SYNE1: variants seen among roughly 807,000 people sequenced by gnomAD.
The protein encoded by SYNE1 is nesprin-1.
A neutral mutation model predicts 1,111.0 loss-of-function variants in SYNE1; 616 were observed. The ratio of observed to expected loss-of-function variants is 0.55; its 90% CI spans 0.52 to 0.59. The LOEUF (loss-of-function observed/expected upper bound fraction) is 0.59. Among genes scored for constraint, SYNE1 ranks in the 20% least tolerant of loss-of-function variants. The pLI is 0.00. For synonymous variants in SYNE1, 3,855 were observed against 3,825.8 expected (o/e 1.01, Z -0.28); for missense variants, 10,006 against 10,417.0 (o/e 0.96, Z 1.72).
rs374755363 is a variant in SYNE1, at chr6:152,143,650, C to T, written c.25092G>A (p.Pro8364=). The stretch of plus-strand genomic sequence containing the variant: ...AGCCTTTGTAGCTGGTGTCTAGCTC[C>T]GGCCCCGTGGGAGTTTTGCTGCGAA... ...NIIRSKTPTG[P]ELDTSYKGYM... The change falls in exon 138 of 146, where the codon CCG becomes CCA. Residue 8364 remains proline (P), a synonymous_variant. Transcript: ENST00000367255. 1.0e-4 allele frequency: 163 copies of T among 1,614,162 alleles called. No homozygotes were observed. The highest frequency in any genetic ancestry group is 1.5e-4 in the Admixed American group (9 of 60,016).
At chr6:152,411,724 C>CCCCCCCCA (rs1043528008) in intron 42 of SYNE1, among the ~76,000 whole-genome samples, 118 of 93,654 alleles carry the variant, frequency 1.3e-3, no homozygotes, top group East Asian at 6.1e-3. Flanking sequence ...CACACACACA[C>CCCCCCCCA]ACACCCCCAC....
chr6:152,390,535 T>C lies in SYNE1; in HGVS notation c.8005-83A>G, dbSNP rs1357115056. 3 of 1,392,608 alleles carry C rather than the reference T, an allele frequency of 2.2e-6. No homozygotes were observed. The African/African-American group carries it at 4.3e-5, about 20-fold the overall frequency. The allele number at this position is 1,392,608 out of a possible 1,614,324, so 86.3% of individuals were successfully genotyped here. On this transcript the variant is annotated intron_variant, in intron 52 of 145. Transcript: ENST00000367255. ...AAAAAATGGTAGTTTTCCATAAGAA[T>C]TGAAGTAGGAATACTTTACTTACCT...
chr6:152,483,882 A>C (rs1372328196), intron 13 of SYNE1, among the ~76,000 whole-genome samples: 2 of 143,188 alleles, frequency 1.4e-5, no homozygotes, highest in Non-Finnish European at 3.0e-5. Flanking sequence ...TCTTTAATGG[A>C]GTCACTAGAA....
chr6:152,635,220 A>G (rs1242837516), intron 2 of SYNE1, among the ~76,000 whole-genome samples: 1 of 152,224 alleles, frequency 6.6e-6, no homozygotes, highest in Non-Finnish European at 1.5e-5. Context: ...ACAGAAGAAA[A>G]CCAGTTTGTG....
intron 11 of SYNE1, among the ~76,000 whole-genome samples, chr6:152,494,510 G>A (rs969483073): frequency 5.3e-5 from 8 of 152,112 alleles, no homozygotes; most frequent in Non-Finnish European, 1.2e-4. Flanking sequence ...GGCAGGCTAT[G>A]CTATAGTATC....
intron 3 of SYNE1, among the ~76,000 whole-genome samples, chr6:152,588,629 G>A (rs1305366785): frequency 6.6e-6 from 1 of 152,194 alleles, no homozygotes; most frequent in Non-Finnish European, 1.5e-5. Flanking sequence ...GAGGAGGGAT[G>A]TGTGGGATGT....
At chr6:152,444,288 C>A in intron 30 of SYNE1, 123 bp downstream of exon 30, 1 of 1,092,242 alleles carries the variant, frequency 9.2e-7, no homozygotes, top group Non-Finnish European at 1.4e-6. Context: ...AGCCATTCAA[C>A]TCTTCCTTCC....
intron 133 of SYNE1, among the ~76,000 whole-genome samples, chr6:152,154,089 T>A (rs2060916827): frequency 6.6e-6 from 1 of 152,154 alleles, no homozygotes. Flanking sequence ...TTAACATACC[T>A]GAGTACACAA....
At chr6:152,477,813 T>C (rs1593506093) in intron 14 of SYNE1, among the ~76,000 whole-genome samples, 1 of 152,162 alleles carries the variant, frequency 6.6e-6, no homozygotes, top group East Asian at 1.9e-4. Flanking sequence ...GGAAGGAAAC[T>C]ACAAGTGGCA....
intron 3 of SYNE1, among the ~76,000 whole-genome samples, chr6:152,555,163 AATT>A (rs1331610315): frequency 6.6e-6 from 1 of 152,220 alleles, no homozygotes; most frequent in African/African-American, 2.4e-5. Flanking sequence ...TTTTTGTTAC[AATT>A]ATTATATCTT....
At chr6:152,570,747 A>C (rs992108390) in intron 3 of SYNE1, among the ~76,000 whole-genome samples, 1 of 152,170 alleles carries the variant, frequency 6.6e-6, no homozygotes, top group African/African-American at 2.4e-5. Context: ...TCTACAAATT[A>C]ATAAAGGGAG....
intron 41 of SYNE1, among the ~76,000 whole-genome samples, chr6:152,416,050 C>A (rs1689008038): frequency 6.6e-6 from 1 of 152,124 alleles, no homozygotes; most frequent in Admixed American, 6.5e-5. Context: ...TAAGGTTAAT[C>A]CATGTGTTGC....
intron 39 of SYNE1, among the ~76,000 whole-genome samples, chr6:152,421,671 TTTTATTTATTTATTTATTTATTTATTTA>T (rs377235444): frequency 1.4e-5 from 2 of 145,336 alleles, no homozygotes; most frequent in Non-Finnish European, 3.0e-5. Context: ...ATTTTCCTTA[TTTTATTTATTTATTTATTTATTTATTTA>T]TTTATTTATT....
At position 152,637,247 on chromosome 6, in the gene SYNE1, C is replaced by T. The variant is rs368143946; in HGVS notation, c.-450G>A. 5.2e-5 allele frequency: 8 copies of T among 152,388 alleles called. No homozygotes were observed. In the East Asian group the frequency reaches 9.7e-4, roughly 18 times the overall value. The allele number at this position is 152,388 out of a possible 1,614,324, so 9.4% of individuals were successfully genotyped here. On this transcript the variant is annotated 5_prime_UTR_variant, in exon 1 of 146. Transcript: ENST00000367255. ...GCAGCTGCAAAGCTGTGCTGTGACC[C>T]ACCCGCTCAGCGAGCCTTTATACCG...
rs543594194 is a variant in SYNE1 at position 152,630,129 on chromosome 6, T to TA, written c.-223-1576dup. Among the ~76,000 whole-genome samples the TA allele has an allele frequency of 6.3e-3, 867 of 138,690 alleles. 5 individuals carry two copies. Among genetic ancestry groups the TA allele is most frequent in the African/African-American group, 0.014 (533 of 37,852 alleles). 91.0% of individuals were successfully genotyped at this position (138,690 alleles called of 152,430 possible). On this transcript the variant is annotated intron_variant, in intron 2 of 145. Transcript: ENST00000367255. ...GTAACATGCTTTTTAGCCTATTATC[T>TA]AAAAAAAAAAAAAAGATGCAAACCT...
chr6:152,365,214 T>C (rs896848664), intron 62 of SYNE1, among the ~76,000 whole-genome samples, 195 bp from the exon 63 acceptor site: 3 of 152,312 alleles, frequency 2.0e-5, no homozygotes, highest in African/African-American at 7.2e-5. Context: ...TGGTTTTTAC[T>C]AAGTGGCCTT....
intron 14 of SYNE1, among the ~76,000 whole-genome samples, chr6:152,472,854 G>A (rs947215870): frequency 6.6e-6 from 1 of 152,164 alleles, no homozygotes; most frequent in Non-Finnish European, 1.5e-5. Context: ...TTGAATGCAT[G>A]CAGACTATTA....
At chr6:152,192,653 T>C (rs1330838728) in intron 127 of SYNE1, among the ~76,000 whole-genome samples, 19 of 152,002 alleles carry the variant, frequency 1.2e-4, no homozygotes, top group Admixed American at 1.2e-3. Flanking sequence ...TTTGTATTTT[T>C]AGTAGGGACT....
At chr6:152,131,595 C>CTGTGGGTGAGTTGTTGCCATTT (rs2055694213) in intron 144 of SYNE1, among the ~76,000 whole-genome samples, 1 of 152,194 alleles carries the variant, frequency 6.6e-6, no homozygotes, top group East Asian at 1.9e-4. Context: ...CCGCCAAGGC[C>CTGTGGGTGAGTTGTTGCCATTT]TGTGGGTGAG....
Sources: allele counts gnomAD v4.1 joint callset (sites outside exome capture counted in the v4.1 genomes callset), GRCh38; gene constraint gnomAD v4.1.1; transcripts MANE v1.5; gene names NCBI Gene and HGNC (gene_info 2026-07-23, HGNC 2026-07-21).